PPM1A: variants seen among roughly 807,000 people sequenced by gnomAD.
PPM1A encodes protein phosphatase 1A.
PPM1A carries 7 observed loss-of-function variants against 35.0 expected under a neutral mutation model. The observed-to-expected ratio is 0.20, with a 90% CI of 0.11 to 0.38. The LOEUF (loss-of-function observed/expected upper bound fraction) is 0.38. Among genes scored for constraint, PPM1A ranks in the 10% least tolerant of loss-of-function variants. The probability of loss-of-function intolerance (pLI) is 1.00; values close to 1 mark genes in which losing one functional copy is unlikely to be tolerated. For missense variants in PPM1A, 239 were observed against 467.8 expected, an observed-to-expected ratio of 0.51 and a Z score of 4.51; for synonymous variants, 153 against 167.3, an observed-to-expected ratio of 0.91 and a Z score of 0.66.
intron 1 of PPM1A, chr14:60,267,109 C>G (rs1160232666): frequency 2.0e-5 from 3 of 152,094 alleles, no homozygotes; most frequent in African/African-American, 4.8e-5. Context: ...AGTTTGCCAT[C>G]ATGTCATTAA....
At chr14:60,250,548 A>C (rs1368882026) in intron 1 of PPM1A, 1 of 529,486 alleles carries the variant, frequency 1.9e-6, no homozygotes, top group East Asian at 1.5e-4. Context: ...CAGTTGTCCA[A>C]GCCATGGGAT....
At chr14:60,274,631 G>C (rs528668708) in intron 1 of PPM1A, among the ~76,000 whole-genome samples, 2 of 120,342 alleles carry the variant, frequency 1.7e-5, no homozygotes, top group East Asian at 4.1e-4. Flanking sequence ...TATTACAGCA[G>C]AAAAGTAGGA....
In PPM1A at chr14:60,283,846, G is replaced by T. The variant is rs988378010; in HGVS notation, c.834+309G>T. 1.3e-5 allele frequency among the ~76,000 whole-genome samples: 2 copies of T among 152,152 alleles called. No individual in the cohort carries two copies. Among genetic ancestry groups the T allele is most frequent in the African/African-American group, 4.8e-5 (2 of 41,428 alleles). On this transcript the variant is annotated intron_variant, in intron 2 of 5. Coordinates refer to ENST00000395076, the MANE Select transcript of PPM1A (RefSeq NM_021003.5). The surrounding 1 kb of genome is among the most constrained non-coding windows in gnomAD (Gnocchi z 6.3). ...TTTTGAAAGAAAGAGGGTGGGGAGG[G>T]TTAGGCCTCAGTGTCTATAAATGAA...
At chr14:60,281,170 A>G (rs567170720) in intron 1 of PPM1A, among the ~76,000 whole-genome samples, 4 of 152,316 alleles carry the variant, frequency 2.6e-5, no homozygotes, top group East Asian at 1.9e-4. Flanking sequence ...CCTTTATCCA[A>G]TCAAAATACT....
intron 1 of PPM1A, among the ~76,000 whole-genome samples, chr14:60,266,824 AC>A (rs1884439518): frequency 6.6e-6 from 1 of 152,220 alleles, no homozygotes; most frequent in Admixed American, 6.5e-5. Flanking sequence ...AGGTCTGGGA[AC>A]AAAAAGGTCC....
chr14:60,264,586 G>A (rs573437531), intron 1 of PPM1A, among the ~76,000 whole-genome samples: 1 of 152,180 alleles, frequency 6.6e-6, no homozygotes, highest in East Asian at 1.9e-4. Context: ...TTTATCCATA[G>A]CTCCTCTTTG....
At chr14:60,272,379 G>C (rs1038251536) in intron 1 of PPM1A, among the ~76,000 whole-genome samples, 1 of 151,416 alleles carries the variant, frequency 6.6e-6, no homozygotes, top group Admixed American at 6.6e-5. Context: ...TACACTAGGG[G>C]GAGTGTTGGG....
rs1347679692 is a variant in PPM1A at position 60,284,678 on chromosome 14, CGTATGTAT to C, written c.835-945_835-938del. 4.2e-3 allele frequency among the ~76,000 whole-genome samples: 543 copies of C among 129,928 alleles called. 2 individuals carry two copies. The highest frequency in any genetic ancestry group is 0.018 in the African/African-American group (501 of 28,474). 85.2% of individuals were successfully genotyped at this position (129,928 alleles called of 152,430 possible). A position where few individuals can be genotyped will look rare whatever the true frequency, so the allele number is the denominator to read the frequency against. ...AAAAGACTGTTGAGGAATTAATGAG[CGTATGTAT>C]ATATATATATATGTGTGTGTGTATA... On this transcript the variant is annotated intron_variant, in intron 2 of 5. Coordinates refer to ENST00000395076, the MANE Select transcript of PPM1A (RefSeq NM_021003.5).
rs926064667 is a variant in PPM1A at position 60,255,364 on chromosome 14, G to C, written c.-21+5687G>C. On this transcript the variant is annotated intron_variant, in intron 1 of 5. Coordinates refer to ENST00000395076, the MANE Select transcript of PPM1A (RefSeq NM_021003.5). ...TTTTTTGTATTTTTAGTAGAGACGG[G>C]GTTTCACCGTGTTAGCCAGGATGGT... 1.8e-4 allele frequency among the ~76,000 whole-genome samples: 27 copies of C among 151,216 alleles called. No individual in the cohort carries two copies. The South Asian group carries it at 2.3e-3, about 13-fold the overall frequency.
chr14:60,265,482 G>A (rs1884266559), intron 1 of PPM1A, among the ~76,000 whole-genome samples: 2 of 152,204 alleles, frequency 1.3e-5, no homozygotes, highest in African/African-American at 4.8e-5. Flanking sequence ...TATTTAAAGA[G>A]TTCAGTGGCT....
chr14:60,265,087 T>G (rs765628511), intron 1 of PPM1A, among the ~76,000 whole-genome samples: 28 of 152,242 alleles, frequency 1.8e-4, no homozygotes, highest in Non-Finnish European at 3.7e-4. Flanking sequence ...TCCAGTGTTT[T>G]TACATGCACC....
chr14:60,286,536 A>G (rs1887032077), intron 3 of PPM1A: 1 of 985,068 alleles, frequency 1.0e-6, no homozygotes, highest in Admixed American at 6.2e-5. Context: ...AACAAGAAAA[A>G]AATTTTAAAA....
chr14:60,245,871 G>T, upstream of PPM1A: 2 of 1,592,054 alleles, frequency 1.3e-6, no homozygotes, highest in Non-Finnish European at 1.7e-6. This position sits in a 1 kb window ranked among gnomAD's most constrained non-coding sequence, Gnocchi z 4.2. Context: ...GGAGAAAATG[G>T]GTAGCAGAAG....
chr14:60,288,153 G>A (rs964625068), intron 3 of PPM1A: 40 of 985,000 alleles, frequency 4.1e-5, no homozygotes, highest in East Asian at 1.1e-4. Context: ...ACGTGGAACA[G>A]GAGATATTAA....
rs1466170072 is a variant in PPM1A, at chr14:60,249,479, C to T, written c.-219C>T. 2 of 985,414 alleles carry T rather than the reference C, an allele frequency of 2.0e-6. No homozygotes were observed. Among genetic ancestry groups the T allele is most frequent in the South Asian group, 4.7e-5 (1 of 21,440 alleles). 61.0% of individuals were successfully genotyped at this position (985,414 alleles called of 1,614,324 possible). ...TCCAACGCCCGGATGATCTGAGCCG[C>T]GAGGGCGCCGACAGCCGGGGGCCCG... On this transcript the variant is annotated 5_prime_UTR_variant, in exon 1 of 6. Transcript: ENST00000395076. The surrounding 1 kb of genome is among the most constrained non-coding windows in gnomAD (Gnocchi z 4.5).
Position 60,282,541 on chromosome 14 carries a change from A to T in PPM1A, c.-20-143A>T, listed in dbSNP as rs1400448460. On this transcript the variant is annotated intron_variant, in intron 1 of 5. Transcript: ENST00000395076. The surrounding 1 kb of genome is among the most constrained non-coding windows in gnomAD (Gnocchi z 5.1). Reference sequence around the variant, plus strand: ...CCAGTTCCTCCTTGTTAATCTCCAGATTCCAAGTCAGCAACACAATGAATG... The same window carrying T: ...CCAGTTCCTCCTTGTTAATCTCCAGTTTCCAAGTCAGCAACACAATGAATG... The T allele has an allele frequency of 9.3e-7, 1 of 1,071,920 alleles. No individual in the cohort carries two copies. Among genetic ancestry groups the T allele is most frequent in the Non-Finnish European group, 1.3e-6 (1 of 761,648 alleles). 66.4% of individuals were successfully genotyped at this position (1,071,920 alleles called of 1,614,324 possible). A position where few individuals can be genotyped will look rare whatever the true frequency, so the allele number is the denominator to read the frequency against.
intron 3 of PPM1A, 139 bp downstream of exon 3, chr14:60,285,880 C>A: frequency 2.8e-6 from 4 of 1,432,590 alleles, no homozygotes; most frequent in Non-Finnish European, 3.7e-6. Context: ...AAGGACATTT[C>A]TGTAGTAGCT....
intron 1 of PPM1A, among the ~76,000 whole-genome samples, chr14:60,255,888 T>A (rs1393782208): frequency 6.6e-6 from 1 of 152,216 alleles, no homozygotes; most frequent in Non-Finnish European, 1.5e-5. Context: ...ACATTTATAA[T>A]CACATATCTC....
chr14:60,287,804 A>G (rs2139572575), intron 3 of PPM1A: 4 of 983,508 alleles, frequency 4.1e-6, no homozygotes, highest in Non-Finnish European at 4.8e-6. Context: ...CCAATTTAAA[A>G]TTATACTTTT....
Sources: gnomAD v4.1 joint callset for allele counts (sites outside exome capture counted in the v4.1 genomes callset) on GRCh38, gnomAD v4.1.1 for gene constraint, Gnocchi (gnomAD v3.1) non-coding constraint, MANE v1.5 for transcripts, NCBI Gene and HGNC (gene_info 2026-07-23, HGNC 2026-07-21) for gene names.